The following IMMT variants were observed in gnomAD, a reference collection of about 807,000 sequenced individuals.
The protein encoded by IMMT is MICOS complex subunit MIC60.
A neutral mutation model predicts 92.7 loss-of-function variants in IMMT; 40 were observed. The ratio of observed to expected loss-of-function variants is 0.43; its 90% confidence interval spans 0.34 to 0.56. The LOEUF (loss-of-function observed/expected upper bound fraction) is 0.56. Ranked by LOEUF, IMMT falls within the 20% of genes least tolerant of loss-of-function variation. The pLI is 0.03. For missense variants in IMMT, 831 were observed against 912.1 expected (o/e 0.91, Z 1.14); for synonymous variants, 322 against 336.1 (o/e 0.96, Z 0.46).
chr2:86,150,544 C>T (rs1675390148), intron 12 of IMMT, among the ~76,000 whole-genome samples: 1 of 152,118 alleles, frequency 6.6e-6, no homozygotes. Flanking sequence ...AGTTAGGTTC[C>T]CAAATCAGCC....
intron 4 of IMMT, among the ~76,000 whole-genome samples, chr2:86,172,625 C>A (rs1266544057): frequency 6.6e-6 from 1 of 152,202 alleles, no homozygotes; most frequent in African/African-American, 2.4e-5. Context: ...AGCCCATGCA[C>A]CTGGCCTAAA....
intron 12 of IMMT, among the ~76,000 whole-genome samples, chr2:86,148,404 TG>T (rs1337589097): frequency 6.6e-6 from 1 of 151,734 alleles, no homozygotes; most frequent in Non-Finnish European, 1.5e-5. Context: ...GTCAGGAGAT[TG>T]AGACTATCCT....
intron 3 of IMMT, among the ~76,000 whole-genome samples, chr2:86,176,476 T>C (rs935689792): frequency 6.6e-5 from 10 of 152,124 alleles, no homozygotes; most frequent in Admixed American, 5.9e-4. Context: ...AATTTGGATA[T>C]GAAGTGATAA....
chr2:86,169,105 G>C (rs996504124), intron 6 of IMMT, among the ~76,000 whole-genome samples: 1 of 152,206 alleles, frequency 6.6e-6, no homozygotes, highest in African/African-American at 2.4e-5. Context: ...GGGGAATTAA[G>C]AGGTGACAGA....
At chr2:86,164,042 C>A (rs972232886) in intron 7 of IMMT, among the ~76,000 whole-genome samples, 6 of 140,476 alleles carry the variant, frequency 4.3e-5, no homozygotes, top group African/African-American at 1.5e-4. Flanking sequence ...AGTGAATTCC[C>A]ACTTTAGTCA....
In IMMT at chr2:86,195,402, C is replaced by A. The variant is rs879128849; in HGVS notation, c.-20G>T. ...CAGCATCTCGGTCAAGCGGACGGCG[C>A]TGCTGGTGGACTCGAGCTGCCGCGG... On this transcript the variant is annotated 5_prime_UTR_variant, in exon 1 of 15. Coordinates refer to ENST00000410111, the MANE Select transcript of IMMT (RefSeq NM_006839.3). The A allele has an allele frequency of 6.5e-6, 10 of 1,546,538 alleles. No individual in the cohort carries two copies. In the East Asian group the frequency reaches 2.0e-4, roughly 30 times the overall value.
rs1673481132 is a variant in IMMT at position 86,195,461 on chromosome 2, G to C, written c.-79C>G. 2.1e-6 allele frequency: 3 copies of C among 1,445,524 alleles called. No individual in the cohort carries two copies. Among genetic ancestry groups the C allele is most frequent in the Non-Finnish European group, 2.8e-6 (3 of 1,076,772 alleles). 89.5% of individuals were successfully genotyped at this position (1,445,524 alleles called of 1,614,324 possible). On this transcript the variant is annotated 5_prime_UTR_variant, in exon 1 of 15. Transcript: ENST00000410111. ...GTTAAGTGGAGGCGTGCTTGCGTGTGTGCGTGCCCGCGTCCGCGCCCGGCG... is the reference window on the plus strand; with the variant it reads ...GTTAAGTGGAGGCGTGCTTGCGTGTCTGCGTGCCCGCGTCCGCGCCCGGCG...
chr2:86,188,522 C>T (rs565026853), intron 1 of IMMT, among the ~76,000 whole-genome samples: 1 of 152,124 alleles, frequency 6.6e-6, no homozygotes, highest in Non-Finnish European at 1.5e-5. Flanking sequence ...CTCACAGGCT[C>T]AAGCAATCCT....
At chr2:86,169,587 T>C (rs1676945963) in intron 6 of IMMT, among the ~76,000 whole-genome samples, 1 of 152,124 alleles carries the variant, frequency 6.6e-6, no homozygotes, top group South Asian at 2.1e-4. Flanking sequence ...AGCAAAAAGC[T>C]ACATCCCACG....
chr2:86,164,332 C>T (rs1215371028), intron 7 of IMMT, among the ~76,000 whole-genome samples: 7 of 150,822 alleles, frequency 4.6e-5, no homozygotes, highest in Non-Finnish European at 1.0e-4. Flanking sequence ...GCTGGGATTA[C>T]AGGTATGAGC....
intron 1 of IMMT, among the ~76,000 whole-genome samples, chr2:86,183,034 T>A (rs1447430708): frequency 6.6e-6 from 1 of 152,204 alleles, no homozygotes; most frequent in Non-Finnish European, 1.5e-5. Flanking sequence ...CAGAAATGCA[T>A]CTATTTTTAT....
intron 1 of IMMT, among the ~76,000 whole-genome samples, chr2:86,190,937 C>A (rs910932107): frequency 1.4e-4 from 22 of 152,006 alleles, no homozygotes; most frequent in Admixed American, 1.4e-3. Flanking sequence ...TGCAGTGAGC[C>A]GAGATTGCAC....
chr2:86,149,048 A>G (rs1675265678), intron 12 of IMMT, among the ~76,000 whole-genome samples: 1 of 152,116 alleles, frequency 6.6e-6, no homozygotes, highest in African/African-American at 2.4e-5. Flanking sequence ...TCTACATATG[A>G]CTGAGCAGGC....
chr2:86,147,709 A>G lies in IMMT; in HGVS notation c.1526T>C (p.Phe509Ser), dbSNP rs1230970647. ...GGGAGTCCAGGTCCTCACCTGCTCA[A>G]ATTCAGACTTCAATTCCTGTTCTTG... ...RVQEQELKSE[F>S]EQNLSEKLSE... is the part of the protein sequence containing the mutation. Residue 509 changes from phenylalanine to serine, a missense_variant, in exon 13 of 15, where the codon TTT becomes TCT. By Grantham distance (155) the Phe-to-Ser change is radical. Transcript: ENST00000410111. The G allele has an allele frequency of 1.2e-6, 2 of 1,613,016 alleles. No homozygotes were observed. The highest frequency in any genetic ancestry group is 1.3e-5 in the African/African-American group (1 of 74,878).
At chr2:86,176,772 G>T (rs1193131988) in intron 3 of IMMT, among the ~76,000 whole-genome samples, 1 of 152,218 alleles carries the variant, frequency 6.6e-6, no homozygotes, top group Non-Finnish European at 1.5e-5. Flanking sequence ...CATCTACAAA[G>T]AATGAAATCT....
intron 8 of IMMT, among the ~76,000 whole-genome samples, chr2:86,160,839 CA>C (rs1676216800): frequency 1.3e-5 from 2 of 152,192 alleles, no homozygotes. Context: ...ATAAACTGCC[CA>C]AACTGTCCCA....
chr2:86,163,555 G>A (rs1275309097), intron 7 of IMMT, among the ~76,000 whole-genome samples: 6 of 152,134 alleles, frequency 3.9e-5, no homozygotes, highest in Non-Finnish European at 8.8e-5. Flanking sequence ...TTTGAGGCTA[G>A]GGAAAATAAA....
chr2:86,148,119 A>G (rs1675172907), intron 12 of IMMT, among the ~76,000 whole-genome samples: 1 of 152,250 alleles, frequency 6.6e-6, no homozygotes. Context: ...CCTCTCATAT[A>G]AAACACTGCC....
In IMMT at chr2:86,168,640, T is replaced by G. The variant is rs553349949; in HGVS notation, c.656-1996A>C. On this transcript the variant is annotated intron_variant, in intron 6 of 14. Transcript: ENST00000410111. Reference sequence around the variant, plus strand: ...TCTGTCTCAAAACAAATTAATTAAATAAATGATATCACATGACAAAAAATA... The same window carrying G: ...TCTGTCTCAAAACAAATTAATTAAAGAAATGATATCACATGACAAAAAATA... 2.6e-5 allele frequency among the ~76,000 whole-genome samples: 4 copies of G among 151,548 alleles called. No homozygotes were observed. In the South Asian group the frequency reaches 8.3e-4, roughly 32 times the overall value.
Sources: gnomAD v4.1 joint callset for allele counts (sites outside exome capture counted in the v4.1 genomes callset) on GRCh38, gnomAD v4.1.1 for gene constraint, MANE v1.5 for transcripts, NCBI Gene and HGNC (gene_info 2026-07-23, HGNC 2026-07-21) for gene names.